Variants in PARD3B observed in about 807,000 individuals in gnomAD.
PARD3B encodes partitioning defective 3 homolog B.
A neutral mutation model predicts 130.2 loss-of-function variants in PARD3B; 103 were observed. The ratio of observed to expected loss-of-function variants is 0.79; its 90% confidence interval spans 0.67 to 0.93. The LOEUF (loss-of-function observed/expected upper bound fraction) is 0.93, where lower values mean the gene tolerates loss of function less well. PARD3B is among the 40% of genes least tolerant of loss of function. The pLI is 0.00. For missense variants in PARD3B, 1,609 were observed against 1,499.2 expected (o/e 1.07, Z -1.21); for synonymous variants, 583 against 553.2 (o/e 1.05, Z -0.76).
intron 1 of PARD3B, among the ~76,000 whole-genome samples, chr2:204,576,155 G>C (rs1363855688): frequency 6.6e-6 from 1 of 152,170 alleles, no homozygotes; most frequent in Non-Finnish European, 1.5e-5. Context: ...CCTTTGGTCT[G>C]ATTTTTGAAT....
chr2:204,949,881 A>G (rs1340642918), intron 2 of PARD3B, among the ~76,000 whole-genome samples: 1 of 152,176 alleles, frequency 6.6e-6, no homozygotes, highest in Non-Finnish European at 1.5e-5. Context: ...ATTTCTAATT[A>G]GAACATAGTA....
chr2:205,303,783 G>T (rs1189028670), intron 18 of PARD3B, among the ~76,000 whole-genome samples: 1 of 152,124 alleles, frequency 6.6e-6, no homozygotes, highest in Non-Finnish European at 1.5e-5. Context: ...TAGGAAGTGG[G>T]GTGACAATCT....
chr2:205,424,381 T>C (rs572759003), intron 19 of PARD3B, among the ~76,000 whole-genome samples: 9 of 152,252 alleles, frequency 5.9e-5, no homozygotes, highest in African/African-American at 2.2e-4. Context: ...CTTTTCATGA[T>C]CCCAGAGTTC....
At position 204,906,654 on chromosome 2, in the gene PARD3B, C is replaced by G. The variant is rs1007623836; in HGVS notation, c.223-58498C>G. Reference sequence around the variant, plus strand: ...CACAGCTTGACAGATATATTAGCAGCCTAACTAATATTTGTAAAAAGAGTG... The same window carrying G: ...CACAGCTTGACAGATATATTAGCAGGCTAACTAATATTTGTAAAAAGAGTG... On this transcript the variant is annotated intron_variant, in intron 2 of 22. Coordinates refer to ENST00000406610, the MANE Select transcript of PARD3B (RefSeq NM_001302769.2). The surrounding 1 kb of genome is among the most constrained non-coding windows in gnomAD (Gnocchi z 4.3). Among the ~76,000 whole-genome samples the G allele has an allele frequency of 7.9e-5, 12 of 152,130 alleles. No homozygotes were observed. Among genetic ancestry groups the G allele is most frequent in the African/African-American group, 2.9e-4 (12 of 41,414 alleles).
chr2:204,774,684 A>C (rs527743511), intron 2 of PARD3B, among the ~76,000 whole-genome samples: 1 of 152,144 alleles, frequency 6.6e-6, no homozygotes, highest in Non-Finnish European at 1.5e-5. Flanking sequence ...AGGAAAATAC[A>C]CTTTGATTTA....
In PARD3B at chr2:205,278,944, G is replaced by A. The variant is rs561341891; in HGVS notation, c.2186-21586G>A. On this transcript the variant is annotated intron_variant, in intron 16 of 22. Coordinates refer to ENST00000406610, the MANE Select transcript of PARD3B (RefSeq NM_001302769.2). Reference sequence around the variant, plus strand: ...AAATTAGCTGAGTGTGATGGCGGGCGTCTGTAATCCCAGCTACTCGGGAGG... The same window carrying A: ...AAATTAGCTGAGTGTGATGGCGGGCATCTGTAATCCCAGCTACTCGGGAGG... 4.6e-4 allele frequency among the ~76,000 whole-genome samples: 70 copies of A among 151,516 alleles called. 1 individual carries two copies. The highest frequency in any genetic ancestry group is 2.5e-3 in the Admixed American group (38 of 15,212).
intron 18 of PARD3B, among the ~76,000 whole-genome samples, chr2:205,313,650 A>G (rs1401109018): frequency 4.6e-5 from 7 of 152,204 alleles, no homozygotes; most frequent in Non-Finnish European, 4.4e-5. Flanking sequence ...TTCTCCTAAT[A>G]TGCGTGCACA....
chr2:205,611,722 G>A (rs2055236987), intron 22 of PARD3B, among the ~76,000 whole-genome samples: 1 of 152,120 alleles, frequency 6.6e-6, no homozygotes, highest in Admixed American at 6.5e-5. Context: ...CCCTCTACGA[G>A]TTGTAAAGAA....
At chr2:205,347,557 T>G (rs554938942) in intron 18 of PARD3B, among the ~76,000 whole-genome samples, 1 of 152,278 alleles carries the variant, frequency 6.6e-6, no homozygotes, top group African/African-American at 2.4e-5. Flanking sequence ...ACTGCCACAG[T>G]AGAAGGGGTG....
chr2:204,630,501 C>T (rs529373383), intron 1 of PARD3B, among the ~76,000 whole-genome samples: 1 of 152,098 alleles, frequency 6.6e-6, no homozygotes, highest in Non-Finnish European at 1.5e-5. Flanking sequence ...TTTTGCTGAA[C>T]AATTGGATGT....
At chr2:204,886,545 C>G (rs1372213149) in intron 2 of PARD3B, among the ~76,000 whole-genome samples, 1 of 152,172 alleles carries the variant, frequency 6.6e-6, no homozygotes, top group Non-Finnish European at 1.5e-5. Context: ...CATAAATGGT[C>G]TTTAGGCTGA....
At chr2:205,519,494 C>CT (rs1394047335) in intron 21 of PARD3B, among the ~76,000 whole-genome samples, 3 of 152,186 alleles carry the variant, frequency 2.0e-5, no homozygotes, top group Non-Finnish European at 2.9e-5. Flanking sequence ...TGTTGTGATT[C>CT]TTACATTCCT....
chr2:205,124,493 GA>G, intron 9 of PARD3B, 27 bp downstream of exon 9: 1 of 1,516,014 alleles, frequency 6.6e-7, no homozygotes, highest in Non-Finnish European at 8.9e-7. Flanking sequence ...ATAGTTGTAT[GA>G]AAATATTTCT....
chr2:205,339,357 T>TCC, intron 18 of PARD3B, among the ~76,000 whole-genome samples: 1 of 152,164 alleles, frequency 6.6e-6, no homozygotes, highest in Non-Finnish European at 1.5e-5. Flanking sequence ...GTTTAGTAGC[T>TCC]CAAATAGATT....
chr2:205,513,196 G>T (rs1476629642), intron 21 of PARD3B, among the ~76,000 whole-genome samples: 1 of 151,986 alleles, frequency 6.6e-6, no homozygotes, highest in African/African-American at 2.4e-5. Context: ...AATCTTTAAA[G>T]TAGTACTTGA....
rs1045644581 is a variant in PARD3B at position 205,262,586 on chromosome 2, AG to A, written c.2185+16768del. 4.6e-5 allele frequency among the ~76,000 whole-genome samples: 7 copies of A among 152,108 alleles called. No homozygotes were observed. In the East Asian group the frequency reaches 1.2e-3, roughly 25 times the overall value. On this transcript the variant is annotated intron_variant, in intron 16 of 22. Transcript: ENST00000406610. ...CTGTGTTGTTTCAAAAGTATAAGAA[AG>A]GGGAAGCACCTTTTCCTATGACCAT...
intron 1 of PARD3B, among the ~76,000 whole-genome samples, chr2:204,597,408 A>G (rs2033344519): frequency 6.6e-6 from 1 of 152,014 alleles, no homozygotes; most frequent in African/African-American, 2.4e-5. Context: ...TGCTTTTTAA[A>G]TTTTCTTGCC....
chr2:205,462,933 C>T (rs1226779921), intron 20 of PARD3B, among the ~76,000 whole-genome samples: 1 of 152,140 alleles, frequency 6.6e-6, no homozygotes, highest in Non-Finnish European at 1.5e-5. Context: ...AATGAACCAA[C>T]CTGAACAATT....
intron 18 of PARD3B, among the ~76,000 whole-genome samples, chr2:205,323,910 CAACAT>C (rs2042845885): frequency 6.6e-6 from 1 of 152,136 alleles, no homozygotes; most frequent in Non-Finnish European, 1.5e-5. Context: ...TAGCCCTCCC[CAACAT>C]AAGAATTATG....
Sources: allele counts gnomAD v4.1 joint callset (sites outside exome capture counted in the v4.1 genomes callset), GRCh38; gene constraint gnomAD v4.1.1; non-coding constraint Gnocchi (gnomAD v3.1); transcripts MANE v1.5; gene names NCBI Gene and HGNC (gene_info 2026-07-23, HGNC 2026-07-21).